EYA1: variants seen among roughly 807,000 people sequenced by gnomAD.
The protein encoded by EYA1 is protein phosphatase EYA1.
A neutral mutation model predicts 82.0 loss-of-function variants in EYA1; 16 were observed. The observed-to-expected ratio is 0.20, with a 90% CI of 0.13 to 0.30. EYA1 has a LOEUF of 0.30. Among genes scored for constraint, EYA1 ranks in the 10% least tolerant of loss-of-function variants. The pLI is 1.00. For missense variants in EYA1, 633 were observed against 730.7 expected (o/e 0.87, Z 1.54); for synonymous variants, 261 against 264.4 (o/e 0.99, Z 0.12).
At chr8:71,300,978 C>T (rs1370453055) in intron 7 of EYA1, among the ~76,000 whole-genome samples, 1 of 152,164 alleles carries the variant, frequency 6.6e-6, no homozygotes, top group Non-Finnish European at 1.5e-5. Flanking sequence ...AGCCAATTTA[C>T]ATTTTTAAGT....
intron 11 of EYA1, among the ~76,000 whole-genome samples, chr8:71,258,669 G>C (rs1814734068): frequency 1.3e-5 from 2 of 152,156 alleles, no homozygotes; most frequent in African/African-American, 4.8e-5. Context: ...CTAGTGACTA[G>C]GTTAAACTTT....
chr8:71,350,956 T>A (rs1242974805), intron 3 of EYA1, among the ~76,000 whole-genome samples: 2 of 152,144 alleles, frequency 1.3e-5, no homozygotes, highest in Non-Finnish European at 2.9e-5. Flanking sequence ...CCCAACTACT[T>A]CTCATGCTTA....
chr8:71,301,768 A>T (rs549997457), intron 7 of EYA1, among the ~76,000 whole-genome samples: 1 of 152,194 alleles, frequency 6.6e-6, no homozygotes, highest in Non-Finnish European at 1.5e-5. Context: ...CAGGCTTCAC[A>T]TATTAATGTT....
chr8:71,230,188 G>C (rs945796333), intron 12 of EYA1, among the ~76,000 whole-genome samples: 1 of 151,886 alleles, frequency 6.6e-6, no homozygotes, highest in Admixed American at 6.6e-5. Flanking sequence ...AAAAAAAAAA[G>C]GTCTAAGGGC....
intron 2 of EYA1, among the ~76,000 whole-genome samples, chr8:71,385,553 C>T (rs932147036): frequency 6.6e-6 from 1 of 152,058 alleles, no homozygotes; most frequent in African/African-American, 2.4e-5. Flanking sequence ...AAGCACTTTC[C>T]CACAAGTATC....
At chr8:71,338,827 T>C (rs1054607390) in intron 3 of EYA1, among the ~76,000 whole-genome samples, 1 of 152,240 alleles carries the variant, frequency 6.6e-6, no homozygotes, top group African/African-American at 2.4e-5. Context: ...CTTGGTGAGC[T>C]GCAGGCCCTC....
chr8:71,299,349 G>A (rs1057341442), intron 8 of EYA1, 116 bp from the exon 9 acceptor site: 12 of 1,006,364 alleles, frequency 1.2e-5, no homozygotes, highest in East Asian at 2.5e-5. Flanking sequence ...AATTCACACG[G>A]GGGCATACAA....
At chr8:71,436,374 T>C (rs757087933) in intron 2 of EYA1, among the ~76,000 whole-genome samples, 3 of 152,172 alleles carry the variant, frequency 2.0e-5, no homozygotes, top group East Asian at 1.9e-4. Context: ...CTGATGTATA[T>C]ATGGTATACT....
chr8:71,213,080 A>G (rs984169688), intron 16 of EYA1, among the ~76,000 whole-genome samples: 4 of 152,108 alleles, frequency 2.6e-5, no homozygotes, highest in Admixed American at 1.3e-4. Flanking sequence ...AAGAAAAAAA[A>G]AATTGCTGGG....
At chr8:71,254,444 G>A (rs1814155158) in intron 11 of EYA1, among the ~76,000 whole-genome samples, 1 of 151,826 alleles carries the variant, frequency 6.6e-6, no homozygotes, top group Non-Finnish European at 1.5e-5. Context: ...AATACACAAG[G>A]TTTATAAAAA....
intron 12 of EYA1, among the ~76,000 whole-genome samples, chr8:71,241,205 TCTC>T (rs1341807234): frequency 6.6e-6 from 1 of 152,184 alleles, no homozygotes; most frequent in Non-Finnish European, 1.5e-5. Flanking sequence ...AACATTTTTT[TCTC>T]CTTTTTGTTT....
intron 9 of EYA1, among the ~76,000 whole-genome samples, chr8:71,282,934 C>T (rs1053252369): frequency 1.5e-5 from 2 of 129,912 alleles, no homozygotes; most frequent in African/African-American, 5.5e-5. Flanking sequence ...TTCAACACCA[C>T]CTTGTTTTTT....
At chr8:71,322,517 T>C (rs1490086699) in intron 4 of EYA1, 3 of 500,204 alleles carry the variant, frequency 6.0e-6, no homozygotes, top group Non-Finnish European at 1.1e-5. Context: ...GTCATCACAA[T>C]CTTCGCAAAT....
rs1817508918 is a variant in EYA1 at position 71,278,933 on chromosome 8, A to G, written c.827-7036T>C. On this transcript the variant is annotated intron_variant, in intron 9 of 17. Coordinates refer to ENST00000340726, the MANE Select transcript of EYA1 (RefSeq NM_000503.6). ...GTGGAGGCCCTCCTCACTCATATTG[A>G]AGTCTAAGTGAGGTGAAAGACTACT... Among the ~76,000 whole-genome samples, 5 of 152,244 alleles carry G rather than the reference A, an allele frequency of 3.3e-5. No individual in the cohort carries two copies. The South Asian group carries it at 1.0e-3, about 32-fold the overall frequency.
In EYA1 at chr8:71,447,425, A is replaced by G. The variant is rs909392325; in HGVS notation, c.33+88319T>C. 4.6e-5 allele frequency among the ~76,000 whole-genome samples: 7 copies of G among 152,288 alleles called. No individual in the cohort carries two copies. The East Asian group carries it at 5.8e-4, about 13-fold the overall frequency. On this transcript the variant is annotated intron_variant, in intron 2 of 18. Coordinates refer to the EYA1 transcript ENST00000643681. The stretch of plus-strand genomic sequence containing the variant: ...TTTCATTAGTGCTACTTACTTCACA[A>G]TGACTGACATTACCACACAGTAGAA...
chr8:71,337,451 C>A (rs1824630020), intron 3 of EYA1, among the ~76,000 whole-genome samples: 2 of 152,114 alleles, frequency 1.3e-5, no homozygotes, highest in Non-Finnish European at 2.9e-5. Flanking sequence ...CCTGTTCCTC[C>A]AACTCCTTCA....
chr8:71,363,289 G>C (rs938088033), upstream of EYA1, among the ~76,000 whole-genome samples: 4 of 152,090 alleles, frequency 2.6e-5, no homozygotes, highest in Admixed American at 6.5e-5. Flanking sequence ...ACTTTATATT[G>C]CTAATATGTA....
intron 2 of EYA1, among the ~76,000 whole-genome samples, chr8:71,458,474 T>G (rs960123568): frequency 1.3e-5 from 2 of 152,064 alleles, no homozygotes; most frequent in African/African-American, 4.8e-5. Flanking sequence ...GGGAATGCTT[T>G]TTTCATCACC....
intron 16 of EYA1, among the ~76,000 whole-genome samples, chr8:71,213,818 A>G (rs748203647): frequency 6.6e-5 from 10 of 152,198 alleles, no homozygotes; most frequent in Non-Finnish European, 1.0e-4. Context: ...CACGTGCCTA[A>G]AAGAAATCTT....
Sources: gnomAD v4.1 joint callset for allele counts (sites outside exome capture counted in the v4.1 genomes callset) on GRCh38, gnomAD v4.1.1 for gene constraint, MANE v1.5 for transcripts, NCBI Gene and HGNC (gene_info 2026-07-23, HGNC 2026-07-21) for gene names.